Variants in DST observed in about 807,000 individuals in gnomAD.
DST encodes bullous pemphigoid antigen.
Under a neutral mutation model 875.2 loss-of-function variants are expected in DST, and 253 were observed. The ratio of observed to expected loss-of-function variants is 0.29; its 90% CI spans 0.26 to 0.32. The LOEUF is 0.32. Among genes scored for constraint, DST ranks in the 10% least tolerant of loss-of-function variants. The pLI is 1.00. For synonymous variants in DST, 3,124 were observed against 3,197.1 expected, an observed-to-expected ratio of 0.98 and a Z score of 0.77; for missense variants, 8,287 against 9,111.6, an observed-to-expected ratio of 0.91 and a Z score of 3.68.
At chr6:56,768,519 C>T (rs951405173) in intron 4 of DST, among the ~76,000 whole-genome samples, 7 of 152,184 alleles carry the variant, frequency 4.6e-5, no homozygotes, top group African/African-American at 1.7e-4. Flanking sequence ...TAGGCACAGA[C>T]CTTATACCTT....
intron 49 of DST, among the ~76,000 whole-genome samples, chr6:56,580,754 G>GCAA (rs1165965570): frequency 6.9e-6 from 1 of 145,670 alleles, no homozygotes; most frequent in Non-Finnish European, 1.5e-5. Context: ...GGTTGGGGGG[G>GCAA]CAGCGTCTCA....
At chr6:56,693,388 C>A (rs1220051874) in intron 9 of DST, 2 of 1,115,810 alleles carry the variant, frequency 1.8e-6, no homozygotes, top group East Asian at 6.8e-5. Context: ...TTCTGGCCAC[C>A]AATCCTCTTA....
intron 4 of DST, among the ~76,000 whole-genome samples, chr6:56,791,779 C>T (rs1254909589): frequency 6.8e-6 from 1 of 146,784 alleles, no homozygotes; most frequent in African/African-American, 2.6e-5. Flanking sequence ...CAGAGTGAGA[C>T]CCTGTCTCAA....
chr6:56,854,379 T>A (rs74757498), intron 3 of DST, among the ~76,000 whole-genome samples: 2 of 151,916 alleles, frequency 1.3e-5, no homozygotes, highest in African/African-American at 4.9e-5. Context: ...TATCTAGTAT[T>A]CTACTATTGT....
At chr6:56,861,656 C>G (rs575970975) in intron 3 of DST, among the ~76,000 whole-genome samples, 1 of 152,286 alleles carries the variant, frequency 6.6e-6, no homozygotes, top group South Asian at 2.1e-4. Flanking sequence ...CTGGACCTGT[C>G]CCTTCCTTGC....
At position 56,662,306 on chromosome 6, in the gene DST, T is replaced by C. The variant is rs369029085; in HGVS notation, c.1214+8335A>G. Among the ~76,000 whole-genome samples, 5 of 152,216 alleles carry C rather than the reference T, an allele frequency of 3.3e-5. No homozygotes were observed. In the East Asian group the frequency reaches 9.6e-4, roughly 29 times the overall value. On this transcript the variant is annotated intron_variant, in intron 10 of 103. Coordinates refer to ENST00000680361, the MANE Select transcript of DST (RefSeq NM_001374736.1). ...ATTCCACTTCCAGGACCTTATCCTA[T>C]GGATATATTCACATGCCTCACAAAG...
chr6:56,478,363 C>T (rs1051624620), intron 90 of DST, among the ~76,000 whole-genome samples: 1 of 152,088 alleles, frequency 6.6e-6, no homozygotes. Context: ...GTGAGCCTGA[C>T]AGCAGGTCAG....
chr6:56,753,795 G>T (rs561308860), intron 4 of DST, among the ~76,000 whole-genome samples: 2 of 152,170 alleles, frequency 1.3e-5, no homozygotes, highest in Non-Finnish European at 2.9e-5. Context: ...AAAATGAAAT[G>T]AGTAAGCACA....
chr6:56,497,725 T>A, intron 81 of DST, 131 bp downstream of exon 81: 1 of 987,486 alleles, frequency 1.0e-6, no homozygotes, highest in Non-Finnish European at 1.5e-6. Flanking sequence ...TTCTGTTCTT[T>A]ATTTCACTTA....
At chr6:56,652,240 C>T (rs1396095793) in intron 10 of DST, among the ~76,000 whole-genome samples, 1 of 152,204 alleles carries the variant, frequency 6.6e-6, no homozygotes, top group Non-Finnish European at 1.5e-5. Flanking sequence ...TCTTCAAATG[C>T]TTCTTGTAGA....
chr6:56,602,460 A>G (rs2098455031), intron 43 of DST, among the ~76,000 whole-genome samples: 1 of 151,782 alleles, frequency 6.6e-6, no homozygotes, highest in African/African-American at 2.4e-5. Context: ...GTGTAAGTAC[A>G]CTCCTTGTTG....
chr6:56,579,126 G>C (rs945675353), intron 49 of DST, among the ~76,000 whole-genome samples, 189 bp from the exon 50 acceptor site: 1 of 152,192 alleles, frequency 6.6e-6, no homozygotes, highest in Non-Finnish European at 1.5e-5. Flanking sequence ...ATTAGCAAAA[G>C]CATCAGCCAG....
In DST at chr6:56,604,461, T is replaced by C; in HGVS notation, c.10167A>G (p.Leu3389=). 1 of 1,610,384 alleles carries C rather than the reference T, an allele frequency of 6.2e-7. No individual in the cohort carries two copies. Among genetic ancestry groups the C allele is most frequent in the East Asian group, 2.2e-5 (1 of 44,690 alleles). ...CADTKILIQN[L]IKRITTSQLV... ...ACTGTGATGTGGTAATCCTTTTAAT[T>C]AAATTTTGAATTAAAATTTTAGTGT... The change falls in exon 40 of 104, where the codon TTA becomes TTG. Residue 3389 remains leucine (L), a synonymous_variant. Transcript: ENST00000680361.
chr6:56,650,814 A>G, intron 12 of DST, 112 bp downstream of exon 12: 1 of 624,030 alleles, frequency 1.6e-6, no homozygotes, highest in Non-Finnish European at 2.8e-6. Flanking sequence ...ATTAACTCAA[A>G]TTCTTTAAAA....
chr6:56,507,266 C>T (rs552479381), intron 75 of DST, among the ~76,000 whole-genome samples: 1 of 152,266 alleles, frequency 6.6e-6, no homozygotes, highest in South Asian at 2.1e-4. Context: ...ACAAAGATAC[C>T]ACAACAGAAA....
chr6:56,784,186 T>C (rs1209975451), intron 4 of DST, among the ~76,000 whole-genome samples: 2 of 152,224 alleles, frequency 1.3e-5, no homozygotes, highest in African/African-American at 4.8e-5. Context: ...CTTTGGTGAA[T>C]GTGACAATTA....
At chr6:56,716,003 T>C (rs948980547) in intron 5 of DST, among the ~76,000 whole-genome samples, 1 of 152,228 alleles carries the variant, frequency 6.6e-6, no homozygotes, top group Non-Finnish European at 1.5e-5. Context: ...AATAAATCTG[T>C]ATGCCTTTTT....
chr6:56,640,258 A>G lies in DST; in HGVS notation c.2375T>C (p.Leu792Ser), dbSNP rs1304279994. The change falls in exon 18 of 104, where the codon TTG (leucine) becomes TCG (serine). Residue 792 changes from leucine to serine, a missense_variant. This residue lies in a region of DST where 1,160 missense variants were observed against 1,424.3 expected (regional missense o/e 0.81). Coordinates refer to ENST00000680361, the MANE Select transcript of DST (RefSeq NM_001374736.1). ...TAGAAGGGGTTTTCGGATCTGCATC[A>G]ACTTCAAAGTTTGCAATGAATTTGG... The part of the protein sequence containing the change: ...VEPNSLQTLK[L>S]MQIRKPLLKS... 3 of 1,614,060 alleles carry G rather than the reference A, an allele frequency of 1.9e-6. No individual in the cohort carries two copies. In the African/African-American group the frequency reaches 4.0e-5, roughly 22 times the overall value.
chr6:56,888,138 A>C (rs1257691702), intron 3 of DST, among the ~76,000 whole-genome samples: 1 of 151,768 alleles, frequency 6.6e-6, no homozygotes, highest in African/African-American at 2.4e-5. Context: ...TTTAGTAGAG[A>C]CGGGTTTCAC....
Sources: gnomAD v4.1 joint callset for allele counts (sites outside exome capture counted in the v4.1 genomes callset) on GRCh38, gnomAD v4.1.1 for gene constraint, gnomAD v4.1.1 regional missense constraint, MANE v1.5 for transcripts, NCBI Gene and HGNC (gene_info 2026-07-23, HGNC 2026-07-21) for gene names.